ZNF407: variants seen among roughly 807,000 people sequenced by gnomAD.
ZNF407 encodes the protein zinc finger protein 407.
ZNF407 carries 17 observed loss-of-function variants against 131.2 expected under a neutral mutation model. The observed-to-expected ratio is 0.13, with a 90% CI of 0.09 to 0.19. ZNF407 has a LOEUF of 0.19. Ranked by LOEUF, ZNF407 falls within the 10% of genes least tolerant of loss-of-function variation. The pLI, the probability that ZNF407 is intolerant of heterozygous loss-of-function variation, is 1.00. For synonymous variants in ZNF407, 1,156 were observed against 1,062.0 expected (o/e 1.09, Z -1.72); for missense variants, 2,681 against 2,830.6 (o/e 0.95, Z 1.20).
intron 8 of ZNF407, among the ~76,000 whole-genome samples, chr18:74,995,982 G>A (rs1329261728): frequency 6.6e-6 from 1 of 152,122 alleles, no homozygotes; most frequent in Non-Finnish European, 1.5e-5. Context: ...CATGGTCTTT[G>A]GAAGCTTTTA....
intron 3 of ZNF407, among the ~76,000 whole-genome samples, chr18:74,678,264 A>G (rs1966898798): frequency 6.6e-6 from 1 of 152,162 alleles, no homozygotes; most frequent in Middle Eastern, 3.2e-3. Context: ...TCTCAACTGT[A>G]TTGCATATAT....
At chr18:74,676,297 GC>G (rs993472426) in intron 3 of ZNF407, among the ~76,000 whole-genome samples, 1 of 151,854 alleles carries the variant, frequency 6.6e-6, no homozygotes, top group African/African-American at 2.4e-5. Context: ...TCACTGTGTT[GC>G]CCAGGCTGGT....
chr18:75,026,640 T>C (rs1201707686), intron 8 of ZNF407, among the ~76,000 whole-genome samples: 1 of 152,228 alleles, frequency 6.6e-6, no homozygotes, highest in Non-Finnish European at 1.5e-5. Flanking sequence ...TTACAAACCA[T>C]TTGGAAACGC....
chr18:75,026,402 C>T (rs1388489321), intron 8 of ZNF407, among the ~76,000 whole-genome samples: 1 of 152,214 alleles, frequency 6.6e-6, no homozygotes, highest in Admixed American at 6.5e-5. Context: ...TATTTGCACA[C>T]ATCTTATCCC....
chr18:74,971,320 C>G (rs1428984948), intron 8 of ZNF407, among the ~76,000 whole-genome samples: 1 of 152,220 alleles, frequency 6.6e-6, no homozygotes. Context: ...GAATTTCTCC[C>G]AGAAAGTGGG....
At chr18:74,667,582 C>A (rs34850832) in intron 3 of ZNF407, among the ~76,000 whole-genome samples, 22,303 of 152,176 alleles carry the variant, frequency 0.15, 1,678 homozygotes, top group Non-Finnish European at 0.17. Flanking sequence ...ACTACTATCT[C>A]TAGATTAGAA....
In ZNF407 at chr18:74,660,082, C is replaced by T. The variant is rs1985646944; in HGVS notation, c.4802+18960C>T. On this transcript the variant is annotated intron_variant, in intron 3 of 8. Transcript: ENST00000299687. ...AATATGGAAATATGATTGCCAGAAG[C>T]ACATAAATCAATGATCAGCATGGCC... Among the ~76,000 whole-genome samples, 5 of 152,060 alleles carry T rather than the reference C, an allele frequency of 3.3e-5. 1 individual carries two copies. The South Asian group carries it at 8.3e-4, about 25-fold the overall frequency.
intron 3 of ZNF407, among the ~76,000 whole-genome samples, chr18:74,695,591 T>C (rs527495563): frequency 7.9e-5 from 12 of 152,022 alleles, no homozygotes; most frequent in South Asian, 2.1e-4. Context: ...GATATCCCAA[T>C]TGGCTTTCCA....
At chr18:74,599,033 G>A (rs1196119377) in intron 1 of ZNF407, among the ~76,000 whole-genome samples, 3 of 152,178 alleles carry the variant, frequency 2.0e-5, no homozygotes, top group South Asian at 2.1e-4. Context: ...TATCTGTTTT[G>A]TGGTGAAGTG....
At chr18:74,611,400 T>TATCCAGC (rs1983053668) in intron 1 of ZNF407, among the ~76,000 whole-genome samples, 1 of 152,194 alleles carries the variant, frequency 6.6e-6, no homozygotes, top group African/African-American at 2.4e-5. Context: ...AAAAGGTTAG[T>TATCCAGC]ATCCAGCAGG....
intron 3 of ZNF407, among the ~76,000 whole-genome samples, chr18:74,692,475 T>G (rs1206394702): frequency 6.6e-6 from 1 of 152,070 alleles, no homozygotes; most frequent in Non-Finnish European, 1.5e-5. Flanking sequence ...GCGGTTGCTG[T>G]GCTAGATTCG....
intron 3 of ZNF407, among the ~76,000 whole-genome samples, chr18:74,755,781 CTCTT>C (rs1284751133): frequency 7.7e-6 from 1 of 130,582 alleles, no homozygotes; most frequent in African/African-American, 3.0e-5. Context: ...TTCTCTCTCT[CTCTT>C]TCCTTCCTTC....
intron 3 of ZNF407, among the ~76,000 whole-genome samples, chr18:74,718,762 T>C (rs1444791723): frequency 6.6e-6 from 1 of 152,220 alleles, no homozygotes; most frequent in Non-Finnish European, 1.5e-5. Flanking sequence ...CTATGACTTT[T>C]CTAAATCTAC....
intron 8 of ZNF407, among the ~76,000 whole-genome samples, chr18:75,024,004 T>C (rs904035344): frequency 4.6e-5 from 7 of 152,138 alleles, no homozygotes; most frequent in African/African-American, 1.7e-4. Flanking sequence ...AGGCCTGGGT[T>C]TGAGGAAGAA....
At position 75,029,586 on chromosome 18, in the gene ZNF407, T is replaced by G. The variant is rs1045815553; in HGVS notation, c.5429-33564T>G. Among the ~76,000 whole-genome samples the G allele has an allele frequency of 7.2e-5, 11 of 152,140 alleles. No individual in the cohort carries two copies. The East Asian group carries it at 1.4e-3, about 19-fold the overall frequency. On this transcript the variant is annotated intron_variant, in intron 8 of 8. Transcript: ENST00000299687. ...AGGGCGGAGTGTGTGTGCGTGCGTG[T>G]GTGTGCGTATGTGTGCATGGGTGTG...
chr18:74,745,247 T>C (rs1968641758), intron 3 of ZNF407, among the ~76,000 whole-genome samples: 1 of 152,188 alleles, frequency 6.6e-6, no homozygotes, highest in African/African-American at 2.4e-5. Flanking sequence ...TGGATATTTA[T>C]GTATTTCTTG....
chr18:74,811,182 AAAAC>A (rs200001011), intron 4 of ZNF407, among the ~76,000 whole-genome samples: 25,998 of 151,930 alleles, frequency 0.17, 2,558 homozygotes, highest in Non-Finnish European at 0.23. Context: ...TTACAAGAAA[AAAAC>A]AAACAACCCC....
intron 3 of ZNF407, among the ~76,000 whole-genome samples, chr18:74,672,562 A>G (rs1568158691): frequency 2.0e-5 from 3 of 149,962 alleles, no homozygotes. Context: ...TCATTGGAGC[A>G]CTGTTTGTTC....
At chr18:74,842,135 T>C (rs968112619) in intron 4 of ZNF407, among the ~76,000 whole-genome samples, 4 of 152,208 alleles carry the variant, frequency 2.6e-5, no homozygotes, top group Non-Finnish European at 5.9e-5. Context: ...AAGATTTTTT[T>C]ATTCTGTTGG....
Sources: gnomAD v4.1 joint callset for allele counts (sites outside exome capture counted in the v4.1 genomes callset) on GRCh38, gnomAD v4.1.1 for gene constraint, MANE v1.5 for transcripts, NCBI Gene and HGNC (gene_info 2026-07-23, HGNC 2026-07-21) for gene names.